TM2D3: variants seen among roughly 807,000 people sequenced by gnomAD.
TM2D3 encodes TM2 domain-containing protein 3.
In TM2D3, 33 loss-of-function variants were observed where a neutral mutation model predicts 27.3. That is an observed-to-expected ratio of 1.21 (90% confidence interval 0.92 to 1.61). The LOEUF (loss-of-function observed/expected upper bound fraction) is 1.61, where lower values mean the gene tolerates loss of function less well. TM2D3 is among the 40% of genes most tolerant of loss of function. The pLI, the probability that TM2D3 is intolerant of heterozygous loss-of-function variation, is 0.00. For missense variants in TM2D3, 364 were observed against 320.8 expected (o/e 1.13, Z -1.03); for synonymous variants, 138 against 122.2 (o/e 1.13, Z -0.85).
In TM2D3 at chr15:101,650,076, T is replaced by C; in HGVS notation, c.255A>G (p.Thr85=). 6.2e-7 allele frequency: 1 copy of C among 1,614,148 alleles called. No individual in the cohort carries two copies. The highest frequency in any genetic ancestry group is 1.1e-5 in the South Asian group (1 of 91,082). Residue 85 remains threonine (T), a synonymous_variant, in exon 3 of 6, where the codon ACA becomes ACG. Transcript: ENST00000333202. The part of the protein sequence containing the change: ...SRLPADCIDC[T]TNFSCTYGKP... ...TCCCATAGGTACAGGAGAAATTTGT[T>C]GTGCAGTCTATACAGTCTGCAGGAA...
At chr15:101,652,151 A>G (rs984531887) in intron 1 of TM2D3, 120 bp downstream of exon 1, 2 of 967,106 alleles carry the variant, frequency 2.1e-6, no homozygotes, top group Middle Eastern at 2.3e-4. Context: ...AGCGGCCCGG[A>G]GCCCGGCACT....
chr15:101,642,254 A>C lies in TM2D3; in HGVS notation c.*225T>G, dbSNP rs965006705. 2.5e-5 allele frequency: 31 copies of C among 1,223,300 alleles called. No individual in the cohort carries two copies. The African/African-American group carries it at 4.5e-4, about 18-fold the overall frequency. The allele number at this position is 1,223,300 out of a possible 1,614,324, so 75.8% of individuals were successfully genotyped here. A position where few individuals can be genotyped will look rare whatever the true frequency, so the allele number is the denominator to read the frequency against. ...ACTGTATAATTCATTCTCCTGGCTT[A>C]AGTACGTTTTAATTTTTTCACAGAA... is the stretch of plus-strand genomic sequence containing the variant. On this transcript the variant is annotated 3_prime_UTR_variant, in exon 6 of 6. Coordinates refer to ENST00000333202, the MANE Select transcript of TM2D3 (RefSeq NM_078474.3).
At chr15:101,637,853 A>G (rs1401762086), downstream of TM2D3, among the ~76,000 whole-genome samples, 1 of 152,144 alleles carries the variant, frequency 6.6e-6, no homozygotes, top group African/African-American at 2.4e-5. Flanking sequence ...TTCTCATGTA[A>G]AAGGACAACT....
At position 101,642,594 on chromosome 15, in the gene TM2D3, C is replaced by T. The variant is rs149589972; in HGVS notation, c.629G>A (p.Arg210Gln). The change falls in exon 6 of 6, where the codon CGG (arginine) becomes CAG (glutamine). Residue 210 changes from arginine (R) to glutamine (Q), a missense_variant. Transcript: ENST00000333202. ...GCTGAAGAGCTTGCCGAGGCCTTCC[C>T]GCCACTGGCCCAGGTAGAAACGGTC... is the stretch of plus-strand genomic sequence containing the variant. ...GADRFYLGQWREGLGKLFSFG... is the reference protein window; with the variant it reads ...GADRFYLGQWQEGLGKLFSFG... The T allele has an allele frequency of 2.0e-5, 32 of 1,613,346 alleles. No individual in the cohort carries two copies. The highest frequency in any genetic ancestry group is 1.4e-4 in the South Asian group (13 of 90,916).
downstream of TM2D3, among the ~76,000 whole-genome samples, chr15:101,639,737 G>A (rs1424985063): frequency 6.7e-6 from 1 of 149,142 alleles, no homozygotes; most frequent in Non-Finnish European, 1.5e-5. Flanking sequence ...TGGTGTTACA[G>A]ACAAATATTT....
At chr15:101,643,607 A>T (rs1896726645) in intron 5 of TM2D3, among the ~76,000 whole-genome samples, 3 of 130,804 alleles carry the variant, frequency 2.3e-5, no homozygotes, top group South Asian at 2.5e-4. Context: ...GTTAAAAAAA[A>T]AAAAAAAAAA....
intron 4 of TM2D3, chr15:101,646,406 C>A (rs546067159): frequency 3.1e-6 from 1 of 322,660 alleles, no homozygotes; most frequent in Non-Finnish European, 5.8e-6. Context: ...TGAAGGCAAG[C>A]ACTCAGGCAC....
At chr15:101,637,619 AG>A (rs764399558), downstream of TM2D3, among the ~76,000 whole-genome samples, 1 of 152,190 alleles carries the variant, frequency 6.6e-6, no homozygotes. Context: ...TTTGGGCAAG[AG>A]GGAAAAAAGG....
chr15:101,643,623 G>GTA (rs1567311253), intron 5 of TM2D3, among the ~76,000 whole-genome samples: 1 of 62,702 alleles, frequency 1.6e-5, no homozygotes, highest in African/African-American at 6.0e-5. Context: ...AAAAAAAAAA[G>GTA]CAAAAAAAAA....
At chr15:101,643,668 G>C (rs1393206625) in intron 5 of TM2D3, among the ~76,000 whole-genome samples, 1 of 134,830 alleles carries the variant, frequency 7.4e-6, no homozygotes, top group African/African-American at 2.7e-5. Context: ...AGTTTTAATT[G>C]TTGAAAGTAT....
chr15:101,644,875 A>T (rs1374268489), intron 5 of TM2D3, among the ~76,000 whole-genome samples: 5 of 152,236 alleles, frequency 3.3e-5, no homozygotes, highest in Admixed American at 3.3e-4. Flanking sequence ...CGTAATGTGC[A>T]GGCATCTTGG....
Position 101,652,255 on chromosome 15 carries a change from C to G in TM2D3, c.91+16G>C. The G allele has an allele frequency of 6.2e-7, 1 of 1,601,900 alleles. No individual in the cohort carries two copies. The highest frequency in any genetic ancestry group is 8.5e-7 in the Non-Finnish European group (1 of 1,174,332). On this transcript the variant is annotated intron_variant, in intron 1 of 5. Coordinates refer to ENST00000333202, the MANE Select transcript of TM2D3 (RefSeq NM_078474.3). ...CACTCAGCCCCACCCGGCGCTGAAC[C>G]CAGCCTTTGACTCACCACCGCCCGA... is the stretch of plus-strand genomic sequence containing the variant.
In TM2D3 at chr15:101,642,011, C is replaced by T; in HGVS notation, c.*468G>A. On this transcript the variant is annotated 3_prime_UTR_variant, in exon 6 of 6. Coordinates refer to ENST00000333202, the MANE Select transcript of TM2D3 (RefSeq NM_078474.3). The stretch of plus-strand genomic sequence containing the variant: ...ATTACACTGCAAAACTTACACATGA[C>T]TGAAGCTGAGCCTAATAACTTCAAT... 1.0e-6 allele frequency: 1 copy of T among 986,086 alleles called. No individual in the cohort carries two copies. The allele number at this position is 986,086 out of a possible 1,614,324, so 61.1% of individuals were successfully genotyped here.
At chr15:101,646,032 G>C (rs925810881) in intron 4 of TM2D3, 1 of 152,316 alleles carries the variant, frequency 6.6e-6, no homozygotes, top group Non-Finnish European at 1.5e-5. Flanking sequence ...TGCTGAAGAA[G>C]CTCTTGCACC....
At chr15:101,652,122 G>A in intron 1 of TM2D3, 149 bp downstream of exon 1, 1 of 731,160 alleles carries the variant, frequency 1.4e-6, no homozygotes, top group Non-Finnish European at 2.2e-6. Flanking sequence ...CAGGGCGCCA[G>A]ACTCCAGATG....
chr15:101,636,883 G>C (rs1382067885), downstream of TM2D3: 1 of 431,528 alleles, frequency 2.3e-6, no homozygotes, highest in South Asian at 1.6e-5. Flanking sequence ...TCGCTCTGTG[G>C]CTCAGGCTGG....
chr15:101,649,397 A>C (rs903943874), intron 3 of TM2D3, among the ~76,000 whole-genome samples: 5 of 152,064 alleles, frequency 3.3e-5, no homozygotes, highest in Admixed American at 3.3e-4. Context: ...TTTCATACTT[A>C]GAAAAATATT....
intron 4 of TM2D3, chr15:101,635,433 C>T (rs1161555350): frequency 6.6e-6 from 1 of 152,198 alleles, no homozygotes; most frequent in Non-Finnish European, 1.5e-5. Flanking sequence ...TGGCTACTAT[C>T]AGGGCCATTT....
chr15:101,644,138 G>A (rs559351887), intron 5 of TM2D3, among the ~76,000 whole-genome samples: 3 of 152,234 alleles, frequency 2.0e-5, no homozygotes, highest in African/African-American at 4.8e-5. Flanking sequence ...GAGCCATCGC[G>A]CCCGCCCTAT....
Sources: gnomAD v4.1 joint callset for allele counts (sites outside exome capture counted in the v4.1 genomes callset) on GRCh38, gnomAD v4.1.1 for gene constraint, MANE v1.5 for transcripts, NCBI Gene and HGNC (gene_info 2026-07-23, HGNC 2026-07-21) for gene names.